GPHN: variants seen among roughly 807,000 people sequenced by gnomAD.
GPHN encodes the protein gephyrin.
GPHN carries 17 observed loss-of-function variants against 95.5 expected under a neutral mutation model. The observed-to-expected ratio is 0.18, with a 90% CI of 0.12 to 0.27. The LOEUF is 0.27. Among genes scored for constraint, GPHN ranks in the 10% least tolerant of loss-of-function variants. The pLI, the probability that GPHN is intolerant of heterozygous loss-of-function variation, is 1.00. For missense variants in GPHN, 660 were observed against 978.1 expected (o/e 0.67, Z 4.34); for synonymous variants, 320 against 322.5 (o/e 0.99, Z 0.08).
rs143126422 is a variant in GPHN at position 67,062,761 on chromosome 14, G to A, written c.1144+3975G>A. Among the ~76,000 whole-genome samples the A allele has an allele frequency of 5.5e-3, 836 of 152,228 alleles. 3 individuals carry two copies. Among genetic ancestry groups the A allele is most frequent in the African/African-American group, 0.019 (800 of 41,556 alleles). ...ATATCCTTTGCCCACTTTTTGATGG[G>A]TTGTTTGGTTTTTTTCTTGTAAATT... On this transcript the variant is annotated intron_variant, in intron 11 of 22. Transcript: ENST00000478722.
the GPHN span, chr14:67,204,986 G>C: frequency 6.4e-7 from 1 of 1,571,612 alleles, no homozygotes; most frequent in Non-Finnish European, 8.6e-7. Flanking sequence ...ATAGAAGTCA[G>C]AGAAGCCACG....
chr14:67,108,356 C>T (rs2078165710), intron 13 of GPHN, among the ~76,000 whole-genome samples: 1 of 152,162 alleles, frequency 6.6e-6, no homozygotes, highest in Non-Finnish European at 1.5e-5. Context: ...CTGACCCCTC[C>T]CTTTGGCTGA....
intron 2 of GPHN, among the ~76,000 whole-genome samples, chr14:66,701,991 A>G (rs2068598765): frequency 6.6e-6 from 1 of 152,154 alleles, no homozygotes; most frequent in Non-Finnish European, 1.5e-5. Flanking sequence ...GTCCCAAGAC[A>G]TGTCCTCCAC....
At chr14:67,605,747 A>G in the GPHN span, among the ~76,000 whole-genome samples, 1 of 151,992 alleles carries the variant, frequency 6.6e-6, no homozygotes, top group East Asian at 1.9e-4. Flanking sequence ...CAGTGGTGCA[A>G]TCTTGGCTCA....
chr14:66,617,252 G>C (rs2063084641), intron 1 of GPHN, among the ~76,000 whole-genome samples: 1 of 152,232 alleles, frequency 6.6e-6, no homozygotes, highest in Admixed American at 6.5e-5. Context: ...TGCCCCTCCT[G>C]TAGGGAGCTC....
At chr14:67,169,457 T>A (rs72717321) in intron 21 of GPHN, among the ~76,000 whole-genome samples, 7,743 of 152,186 alleles carry the variant, frequency 0.051, 213 homozygotes, top group Middle Eastern at 0.068. Flanking sequence ...TTTTAAACAA[T>A]TCAGAAGAAG....
chr14:66,911,711 T>C (rs2065681944), intron 5 of GPHN, among the ~76,000 whole-genome samples: 1 of 152,056 alleles, frequency 6.6e-6, no homozygotes, highest in South Asian at 2.1e-4. Flanking sequence ...ATGCCTGTTG[T>C]GATCAAGTTT....
the GPHN span, chr14:67,693,184 T>C: frequency 7.1e-6 from 4 of 566,098 alleles, no homozygotes; most frequent in South Asian, 5.8e-5. Context: ...AAGGAAACAG[T>C]GTCCATTTAA....
chr14:67,495,478 C>G, the GPHN span, among the ~76,000 whole-genome samples: 4 of 152,000 alleles, frequency 2.6e-5, no homozygotes, highest in Non-Finnish European at 4.4e-5. Flanking sequence ...TAAATCACAG[C>G]CTTCTGGATT....
At chr14:66,533,340 CT>C (rs2059017444) in intron 1 of GPHN, among the ~76,000 whole-genome samples, 1 of 152,208 alleles carries the variant, frequency 6.6e-6, no homozygotes, top group African/African-American at 2.4e-5. Context: ...TAAAGATGAT[CT>C]TACTCTGTTG....
At chr14:66,855,739 T>G (rs1052973398) in intron 4 of GPHN, among the ~76,000 whole-genome samples, 6 of 152,096 alleles carry the variant, frequency 3.9e-5, no homozygotes, top group African/African-American at 1.4e-4. Context: ...TCTTATACTA[T>G]AGATAAAGAA....
the GPHN span, among the ~76,000 whole-genome samples, chr14:67,715,931 T>C: frequency 2.6e-5 from 4 of 152,120 alleles, no homozygotes; most frequent in African/African-American, 9.7e-5. Flanking sequence ...GGCAGTGGCT[T>C]ACGCCTGTAA....
intron 9 of GPHN, among the ~76,000 whole-genome samples, chr14:67,020,692 T>G (rs958233848): frequency 6.6e-6 from 1 of 152,180 alleles, no homozygotes; most frequent in East Asian, 1.9e-4. Context: ...TAATATAATA[T>G]GCTGTTCCTA....
At chr14:66,602,726 ATTTCTACC>A (rs2062314193) in intron 1 of GPHN, among the ~76,000 whole-genome samples, 1 of 151,908 alleles carries the variant, frequency 6.6e-6, no homozygotes, top group Non-Finnish European at 1.5e-5. Context: ...AAAAGTACAA[ATTTCTACC>A]AAACTAAAGA....
chr14:67,725,390 G>A, the GPHN span: 1 of 913,818 alleles, frequency 1.1e-6, no homozygotes, highest in East Asian at 2.6e-5. Context: ...GAACCAGCAG[G>A]ACAGGGAATT....
At chr14:67,462,689 C>T in the GPHN span, among the ~76,000 whole-genome samples, 2 of 152,180 alleles carry the variant, frequency 1.3e-5, no homozygotes, top group Non-Finnish European at 2.9e-5. Flanking sequence ...CTCGTGGAGT[C>T]AAAGGAAAGG....
At chr14:67,060,078 T>G (rs916114653) in intron 11 of GPHN, among the ~76,000 whole-genome samples, 1 of 151,954 alleles carries the variant, frequency 6.6e-6, no homozygotes, top group Non-Finnish European at 1.5e-5. Flanking sequence ...TTACCTGTTA[T>G]AAAAATAAAT....
intron 9 of GPHN, among the ~76,000 whole-genome samples, chr14:66,999,896 A>C (rs908994444): frequency 2.0e-5 from 3 of 151,954 alleles, no homozygotes; most frequent in African/African-American, 7.2e-5. Context: ...TATCTAACCC[A>C]AAGAAAATTA....
the GPHN span, among the ~76,000 whole-genome samples, chr14:67,426,552 G>A: frequency 6.6e-6 from 1 of 152,186 alleles, no homozygotes; most frequent in Non-Finnish European, 1.5e-5. Context: ...GGGGGACAGT[G>A]TGGATAATGT....
Sources: gnomAD v4.1 joint callset for allele counts (sites outside exome capture counted in the v4.1 genomes callset) on GRCh38, gnomAD v4.1.1 for gene constraint, MANE v1.5 for transcripts, NCBI Gene and HGNC (gene_info 2026-07-23, HGNC 2026-07-21) for gene names.